Variants in PTPRC observed in about 807,000 individuals in gnomAD.
PTPRC encodes protein tyrosine phosphatase receptor type C.
Under a neutral mutation model 155.9 loss-of-function variants are expected in PTPRC, and 44 were observed. That is an observed-to-expected ratio of 0.28 (90% CI 0.22 to 0.36). PTPRC has a LOEUF of 0.36. PTPRC is among the 10% of genes least tolerant of loss of function. PTPRC has a pLI of 1.00. For synonymous variants in PTPRC, 525 were observed against 533.1 expected (o/e 0.98, Z 0.21); for missense variants, 1,401 against 1,564.6 (o/e 0.90, Z 1.76).
chr1:198,745,010 G>A, intron 26 of PTPRC, among the ~76,000 whole-genome samples: 1 of 151,816 alleles, frequency 6.6e-6, no homozygotes, highest in East Asian at 1.9e-4. Flanking sequence ...ACACAGGGTA[G>A]TCTCAAACAG....
At chr1:198,722,740 A>G (rs1653953023) in intron 15 of PTPRC, among the ~76,000 whole-genome samples, 1 of 151,778 alleles carries the variant, frequency 6.6e-6, no homozygotes, top group Admixed American at 6.6e-5. Context: ...CCAAACTATT[A>G]AATTATGTTT....
At chr1:198,703,960 T>G (rs1666598371) in intron 7 of PTPRC, 1 of 169,876 alleles carries the variant, frequency 5.9e-6, no homozygotes, top group Non-Finnish European at 1.3e-5. Flanking sequence ...AAGATACTGC[T>G]AAATTTGTTG....
chr1:198,724,893 C>G (rs571765469), intron 15 of PTPRC, among the ~76,000 whole-genome samples: 1 of 152,284 alleles, frequency 6.6e-6, no homozygotes, highest in East Asian at 1.9e-4. Flanking sequence ...CTTCTGCCTC[C>G]TGGGTTCAAG....
chr1:198,740,587 A>G (rs1399693657), intron 23 of PTPRC, among the ~76,000 whole-genome samples: 1 of 151,782 alleles, frequency 6.6e-6, no homozygotes, highest in Non-Finnish European at 1.5e-5. Context: ...ATCTCAAAAA[A>G]AAAGATAAAA....
intron 2 of PTPRC, among the ~76,000 whole-genome samples, chr1:198,647,312 C>A (rs1477799413): frequency 6.6e-6 from 1 of 151,842 alleles, no homozygotes; most frequent in Admixed American, 6.6e-5. Flanking sequence ...TAGGCTATCA[C>A]TGGGTCTCTG....
chr1:198,704,928 G>GA (rs932988904), intron 8 of PTPRC, among the ~76,000 whole-genome samples: 10 of 149,472 alleles, frequency 6.7e-5, no homozygotes, highest in South Asian at 2.1e-4. Context: ...TTAGGTATTT[G>GA]AAAAAAAAAT....
Position 198,756,056 on chromosome 1 carries a change from G to A in PTPRC, c.3796G>A (p.Gly1266Ser). Residue 1266 changes from glycine (G) to serine (S), a missense_variant, in exon 33 of 33, where the codon GGT (glycine) becomes AGT (serine). Physicochemically the swap from Gly to Ser is moderately conservative, Grantham distance 56 (BLOSUM62 0). Coordinates refer to ENST00000442510, the MANE Select transcript of PTPRC (RefSeq NM_002838.5). The part of the protein sequence containing the change: ...KQDANCVNPL[G>S]APEKLPEAKE... ...GGATGCTAATTGTGTTAATCCACTT[G>A]GTGCCCCAGAAAAGCTCCCTGAAGC... The A allele has an allele frequency of 6.2e-7, 1 of 1,613,486 alleles. No individual in the cohort carries two copies. Among genetic ancestry groups the A allele is most frequent in the Non-Finnish European group, 8.5e-7 (1 of 1,179,674 alleles).
chr1:198,702,552 A>T (rs374024661), intron 6 of PTPRC, 22 bp downstream of exon 6: 2 of 1,613,556 alleles, frequency 1.2e-6, no homozygotes, highest in Admixed American at 3.3e-5. Flanking sequence ...CTGCTCTAGT[A>T]GTGTCTTCAG....
chr1:198,666,382 A>G (rs1664308470), intron 2 of PTPRC, among the ~76,000 whole-genome samples: 1 of 152,196 alleles, frequency 6.6e-6, no homozygotes, highest in Admixed American at 6.5e-5. Flanking sequence ...GAAGGTAGGA[A>G]CAATGAAAAG....
chr1:198,680,472 TACA>T, intron 2 of PTPRC, among the ~76,000 whole-genome samples: 1 of 150,916 alleles, frequency 6.6e-6, no homozygotes, highest in African/African-American at 2.4e-5. Context: ...AAAAAATAGA[TACA>T]ACAATCTCCT....
chr1:198,641,241 A>T (rs1475025007), intron 2 of PTPRC, among the ~76,000 whole-genome samples: 1 of 152,086 alleles, frequency 6.6e-6, no homozygotes, highest in Non-Finnish European at 1.5e-5. Flanking sequence ...AATCCTTTCA[A>T]GTTGCAAGAA....
In PTPRC at chr1:198,703,360, A is replaced by C. The variant is rs148561683; in HGVS notation, c.646A>C (p.Thr216Pro). 400 of 1,612,942 alleles carry C rather than the reference A, an allele frequency of 2.5e-4. 9 individuals carry two copies. In the East Asian group the frequency reaches 3.8e-3, roughly 15 times the overall value. Residue 216 changes from threonine to proline, a missense_variant, in exon 7 of 33, where the codon ACC (threonine) becomes CCC (proline). Coordinates refer to ENST00000442510, the MANE Select transcript of PTPRC (RefSeq NM_002838.5). ...CCCTTCTGGAAGCGCTGTCATTTCA[A>C]CCACAACAATAGGTGATATTACCCT... ...LSPSGSAVISTTTIATTPSKP... is the reference protein window; with the variant it reads ...LSPSGSAVISPTTIATTPSKP...
intron 8 of PTPRC, among the ~76,000 whole-genome samples, chr1:198,705,823 C>G (rs1652928504): frequency 6.6e-6 from 1 of 152,162 alleles, no homozygotes; most frequent in Non-Finnish European, 1.5e-5. Context: ...CCCCCAAACC[C>G]CATGTCTATT....
At chr1:198,674,477 G>T (rs185764759) in intron 2 of PTPRC, among the ~76,000 whole-genome samples, 1 of 149,714 alleles carries the variant, frequency 6.7e-6, no homozygotes, top group Admixed American at 6.7e-5. Context: ...TTCACTATCT[G>T]CATTATGACT....
chr1:198,672,283 G>A (rs1275526100), intron 2 of PTPRC, among the ~76,000 whole-genome samples: 5 of 152,072 alleles, frequency 3.3e-5, no homozygotes, highest in Non-Finnish European at 7.4e-5. Flanking sequence ...AGACCAGTGG[G>A]GTAGTTAGGC....
chr1:198,749,326 C>T, intron 27 of PTPRC, 90 bp from the exon 28 acceptor site: 2 of 1,289,054 alleles, frequency 1.6e-6, no homozygotes, highest in Non-Finnish European at 2.2e-6. Context: ...ACAATCTGTC[C>T]CTTTTTAAAT....
chr1:198,672,722 T>C (rs1316287624), intron 2 of PTPRC, among the ~76,000 whole-genome samples: 1 of 151,902 alleles, frequency 6.6e-6, no homozygotes, highest in African/African-American at 2.4e-5. Flanking sequence ...TCCTGATCTC[T>C]GGTGATCTAC....
chr1:198,699,716 C>T lies in PTPRC; in HGVS notation c.439+12C>T, dbSNP rs771917092. 1 of 1,614,092 alleles carries T rather than the reference C, an allele frequency of 6.2e-7. No individual in the cohort carries two copies. On this transcript the variant is annotated intron_variant, in intron 5 of 32. Transcript: ENST00000442510. Reference sequence around the variant, plus strand: ...CAATGCTATCTCAGGTTTGCGGGTCCTTTAGACTTGTGCAAATATGAAAAG... The same window carrying T: ...CAATGCTATCTCAGGTTTGCGGGTCTTTTAGACTTGTGCAAATATGAAAAG...
intron 25 of PTPRC, among the ~76,000 whole-genome samples, chr1:198,742,847 A>G (rs564480211): frequency 1.3e-5 from 2 of 151,896 alleles, no homozygotes; most frequent in South Asian, 2.1e-4. Flanking sequence ...AATGGAGACA[A>G]TGATAATACC....
Sources: gnomAD v4.1 joint callset for allele counts (sites outside exome capture counted in the v4.1 genomes callset) on GRCh38, gnomAD v4.1.1 for gene constraint, MANE v1.5 for transcripts, NCBI Gene and HGNC (gene_info 2026-07-23, HGNC 2026-07-21) for gene names.